The following OCA2 variants were observed in gnomAD, a reference collection of about 807,000 sequenced individuals.
The protein encoded by OCA2 is OCA2 melanosomal transmembrane protein.
A neutral mutation model predicts 100.2 loss-of-function variants in OCA2; 77 were observed. That is an observed-to-expected ratio of 0.77 (90% CI 0.64 to 0.93). The LOEUF (loss-of-function observed/expected upper bound fraction) is 0.93, where lower values mean the gene tolerates loss of function less well. Among genes scored for constraint, OCA2 ranks in the 40% least tolerant of loss-of-function variants. The pLI is 0.00. For synonymous variants in OCA2, 432 were observed against 439.2 expected (o/e 0.98, Z 0.21); for missense variants, 1,062 against 1,089.1 (o/e 0.98, Z 0.35).
intron 23 of OCA2, among the ~76,000 whole-genome samples, chr15:27,770,978 TC>T (rs2031775237): frequency 3.1e-5 from 3 of 97,488 alleles, no homozygotes; most frequent in South Asian, 3.2e-4. Context: ...TCCCTTCCTT[TC>T]CTTCTTTCTT....
At chr15:28,084,293 G>A (rs1407430288) in intron 1 of OCA2, among the ~76,000 whole-genome samples, 1 of 152,212 alleles carries the variant, frequency 6.6e-6, no homozygotes, top group Non-Finnish European at 1.5e-5. Flanking sequence ...ATGATGTTTT[G>A]TTACAGCAGC....
intron 22 of OCA2, among the ~76,000 whole-genome samples, chr15:27,845,928 A>C (rs1341455872): frequency 6.6e-6 from 1 of 152,162 alleles, no homozygotes; most frequent in East Asian, 1.9e-4. Flanking sequence ...GGACAACATG[A>C]ATAACAGAGC....
chr15:27,828,200 C>T (rs1417238977), intron 23 of OCA2, among the ~76,000 whole-genome samples: 1 of 152,182 alleles, frequency 6.6e-6, no homozygotes, highest in Non-Finnish European at 1.5e-5. Context: ...CATTCCCGGC[C>T]TTCCTCCCAG....
intron 9 of OCA2, among the ~76,000 whole-genome samples, chr15:27,994,505 C>A (rs933329801): frequency 3.9e-5 from 6 of 152,202 alleles, no homozygotes; most frequent in Admixed American, 3.9e-4. Context: ...AACGCACCAC[C>A]TAGCTTCCCA....
At chr15:28,064,429 A>G (rs966975029) in intron 2 of OCA2, among the ~76,000 whole-genome samples, 8 of 151,902 alleles carry the variant, frequency 5.3e-5, no homozygotes, top group African/African-American at 1.9e-4. Flanking sequence ...GGCTTTCCAC[A>G]GGTCCCTTGG....
At chr15:27,824,328 A>G (rs963964523) in intron 23 of OCA2, among the ~76,000 whole-genome samples, 1 of 152,084 alleles carries the variant, frequency 6.6e-6, no homozygotes, top group Non-Finnish European at 1.5e-5. Context: ...AGATGGTGCC[A>G]TTGCACTCCT....
chr15:27,952,883 A>G (rs1410738462), intron 17 of OCA2, among the ~76,000 whole-genome samples: 1 of 151,964 alleles, frequency 6.6e-6, no homozygotes, highest in Non-Finnish European at 1.5e-5. Flanking sequence ...GGGTTTCACC[A>G]TGTTGCCCAG....
intron 23 of OCA2, among the ~76,000 whole-genome samples, chr15:27,824,492 A>G (rs1465431861): frequency 6.6e-6 from 1 of 151,552 alleles, no homozygotes; most frequent in Non-Finnish European, 1.5e-5. Context: ...CTGCTGATAT[A>G]AAGGGAGAAA....
intron 23 of OCA2, among the ~76,000 whole-genome samples, chr15:27,808,768 G>C (rs961971980): frequency 3.3e-5 from 5 of 152,184 alleles, no homozygotes; most frequent in African/African-American, 1.2e-4. Flanking sequence ...CTGGAACTGG[G>C]CTGGGTGAGG....
At chr15:27,869,855 G>A (rs1223427900) in intron 21 of OCA2, among the ~76,000 whole-genome samples, 1 of 152,260 alleles carries the variant, frequency 6.6e-6, no homozygotes, top group African/African-American at 2.4e-5. Flanking sequence ...GCATCAGCCT[G>A]CCTGGGGCGC....
intron 23 of OCA2, among the ~76,000 whole-genome samples, chr15:27,836,811 C>G (rs2035170797): frequency 6.6e-6 from 1 of 152,178 alleles, no homozygotes; most frequent in African/African-American, 2.4e-5. Flanking sequence ...GCTTCGAATA[C>G]AGTATTTTCT....
At chr15:28,074,037 A>G (rs1024945916) in intron 2 of OCA2, among the ~76,000 whole-genome samples, 2 of 152,258 alleles carry the variant, frequency 1.3e-5, no homozygotes, top group Admixed American at 6.5e-5. Flanking sequence ...CACAGTACAA[A>G]AAAAAATCCC....
At chr15:27,870,437 G>C (rs2036500973) in intron 21 of OCA2, among the ~76,000 whole-genome samples, 1 of 152,172 alleles carries the variant, frequency 6.6e-6, no homozygotes, top group Non-Finnish European at 1.5e-5. Context: ...CCTGCCCTGA[G>C]CCAAGCAATC....
In OCA2 at chr15:27,871,169, C is replaced by T. The variant is rs41307118; in HGVS notation, c.2229G>A (p.Pro743=). The change falls in exon 21 of 24, where the codon CCG becomes CCA. Residue 743 remains proline, a synonymous_variant. Transcript: ENST00000354638. ...ALASSLIDNI[P]FTATMIPVLL... ...TGCAACTCACCATGGTAGCAGTGAA[C>T]GGGATGTTGTCAATCAGGGACGACG... is the stretch of plus-strand genomic sequence containing the variant. The T allele has an allele frequency of 1.9e-5, 30 of 1,613,466 alleles. No homozygotes were observed. The highest frequency in any genetic ancestry group is 1.6e-4 in the Middle Eastern group (1 of 6,084).
chr15:28,043,177 T>C lies in OCA2; in HGVS notation c.228-11014A>G, dbSNP rs1188257738. On this transcript the variant is annotated intron_variant, in intron 2 of 23. Transcript: ENST00000354638. The surrounding 1 kb of genome is among the most constrained non-coding windows in gnomAD (Gnocchi z 4.4). ...AGGAGCAATTTTAGGATTACTTGGA[T>C]GTAAGAACATCACCTGTATTTAAGG... 2.0e-5 allele frequency among the ~76,000 whole-genome samples: 3 copies of C among 152,198 alleles called. No individual in the cohort carries two copies. Among genetic ancestry groups the C allele is most frequent in the Non-Finnish European group, 4.4e-5 (3 of 68,022 alleles).
chr15:27,754,351 C>T (rs752505521), downstream of OCA2, among the ~76,000 whole-genome samples: 1 of 152,190 alleles, frequency 6.6e-6, no homozygotes, highest in African/African-American at 2.4e-5. Flanking sequence ...GTTCTTAGTG[C>T]CCTGAGCATC....
chr15:27,821,271 G>A (rs912846713), intron 23 of OCA2, among the ~76,000 whole-genome samples: 7 of 152,026 alleles, frequency 4.6e-5, no homozygotes, highest in African/African-American at 1.4e-4. Context: ...TCATTTTCTG[G>A]TAATTCTGCT....
intron 23 of OCA2, among the ~76,000 whole-genome samples, chr15:27,795,199 A>T (rs1376331295): frequency 6.6e-6 from 1 of 152,192 alleles, no homozygotes; most frequent in Admixed American, 6.5e-5. Flanking sequence ...ACATTTCCGT[A>T]GCGTCTGTGC....
rs1213953806 is a variant in OCA2 at position 28,022,384 on chromosome 15, C to CAAGTGGGT, written c.646+116_646+117insACCCACTT. 16 of 509,468 alleles carry CAAGTGGGT rather than the reference C, an allele frequency of 3.1e-5. No individual in the cohort carries two copies. In the African/African-American group the frequency reaches 5.4e-4, roughly 17 times the overall value. The allele number at this position is 509,468 out of a possible 1,614,324, so 31.6% of individuals were successfully genotyped here. A position where few individuals can be genotyped will look rare whatever the true frequency, so the allele number is the denominator to read the frequency against. Reference sequence around the variant, plus strand: ...TCAGACATCCTGGAGAAACAAAATTCGAGTGGTAATGGCCTGTGCCGTGGC... The same window carrying CAAGTGGGT: ...TCAGACATCCTGGAGAAACAAAATTCAAGTGGGTGAGTGGTAATGGCCTGTGCCGTGGC... On this transcript the variant is annotated intron_variant, in intron 6 of 23. Coordinates refer to ENST00000354638, the MANE Select transcript of OCA2 (RefSeq NM_000275.3).
Sources: gnomAD v4.1 joint callset for allele counts (sites outside exome capture counted in the v4.1 genomes callset) on GRCh38, gnomAD v4.1.1 for gene constraint, Gnocchi (gnomAD v3.1) non-coding constraint, MANE v1.5 for transcripts, NCBI Gene and HGNC (gene_info 2026-07-23, HGNC 2026-07-21) for gene names.